The following TMEFF2 variants were observed in gnomAD, a reference collection of about 807,000 sequenced individuals.
TMEFF2 encodes transmembrane protein with EGF like and two follistatin like domains 2.
Under a neutral mutation model 53.8 loss-of-function variants are expected in TMEFF2, and 28 were observed. The ratio of observed to expected loss-of-function variants is 0.52; its 90% CI spans 0.39 to 0.71. The LOEUF (loss-of-function observed/expected upper bound fraction) is 0.71. TMEFF2 is among the 30% of genes least tolerant of loss of function. TMEFF2 has a pLI of 0.00. For synonymous variants in TMEFF2, 162 were observed against 166.3 expected (o/e 0.97, Z 0.20); for missense variants, 353 against 455.2 (o/e 0.78, Z 2.04).
intron 4 of TMEFF2, among the ~76,000 whole-genome samples, chr2:192,109,988 T>G (rs929289950): frequency 2.6e-5 from 4 of 151,572 alleles, no homozygotes; most frequent in African/African-American, 4.8e-5. Context: ...AAATTTAGAA[T>G]AAGGAAAGGA....
In TMEFF2 at chr2:192,075,285, TTATATA is replaced by T. The variant is rs111733023; in HGVS notation, c.440-17516_440-17511del. Among the ~76,000 whole-genome samples, 365 of 65,736 alleles carry T rather than the reference TTATATA, an allele frequency of 5.6e-3. 9 individuals are homozygous for T. Among genetic ancestry groups the T allele is most frequent in the East Asian group, 0.055 (26 of 470 alleles). 43.1% of individuals were successfully genotyped at this position (65,736 alleles called of 152,430 possible). On this transcript the variant is annotated intron_variant, in intron 4 of 9. Coordinates refer to ENST00000272771, the MANE Select transcript of TMEFF2 (RefSeq NM_016192.4). The stretch of plus-strand genomic sequence containing the variant: ...TTATTATACCCAGAGTACAGTACTA[TTATATA>T]TATATATATATATATATATATATAT...
At chr2:192,150,980 C>T (rs1322099802) in intron 4 of TMEFF2, among the ~76,000 whole-genome samples, 1 of 151,770 alleles carries the variant, frequency 6.6e-6, no homozygotes, top group Non-Finnish European at 1.5e-5. Flanking sequence ...TCCCTATAAT[C>T]CCCATGTGTC....
intron 2 of TMEFF2, among the ~76,000 whole-genome samples, chr2:192,185,872 A>G (rs1427154450): frequency 6.6e-6 from 1 of 152,114 alleles, no homozygotes; most frequent in East Asian, 1.9e-4. Context: ...TTACTTTTTC[A>G]TATATTATTA....
At position 191,964,289 on chromosome 2, in the gene TMEFF2, TTC is replaced by T. The variant is rs1159251609; in HGVS notation, c.746-7913_746-7912del. On this transcript the variant is annotated intron_variant, in intron 7 of 9. Transcript: ENST00000272771. ...CTTTTCTTTTTTCTTTTCCTTTTCC[TTC>T]TTTCCTTCTTTCCTTCTTTCTTTCC... Among the ~76,000 whole-genome samples the T allele has an allele frequency of 4.4e-3, 636 of 145,480 alleles. 13 individuals are homozygous for T. The highest frequency in any genetic ancestry group is 0.011 in the African/African-American group (389 of 36,530).
At chr2:192,086,032 A>G (rs1688663182) in intron 4 of TMEFF2, among the ~76,000 whole-genome samples, 1 of 152,192 alleles carries the variant, frequency 6.6e-6, no homozygotes, top group South Asian at 2.1e-4. Flanking sequence ...CATCAATACT[A>G]TAGGCCATTG....
At chr2:192,029,408 T>G (rs1030706384) in intron 5 of TMEFF2, 1 of 152,176 alleles carries the variant, frequency 6.6e-6, no homozygotes, top group African/African-American at 2.4e-5. Flanking sequence ...GGTATAAACA[T>G]TGTTGTTTTA....
At chr2:192,122,993 C>A (rs1339469168) in intron 4 of TMEFF2, among the ~76,000 whole-genome samples, 1 of 152,108 alleles carries the variant, frequency 6.6e-6, no homozygotes, top group Admixed American at 6.5e-5. Flanking sequence ...AGCAGCCATG[C>A]AATAAAGTTA....
Position 192,191,199 on chromosome 2 carries a change from G to A in TMEFF2, c.282+681C>T, listed in dbSNP as rs1048452587. On this transcript the variant is annotated intron_variant, in intron 2 of 9. Coordinates refer to ENST00000272771, the MANE Select transcript of TMEFF2 (RefSeq NM_016192.4). ...ATACTAATAACCCAGTTTTGATCAT[G>A]CCAGTAGTGCAACTTCTTTCTCTCT... 1.6e-4 allele frequency among the ~76,000 whole-genome samples: 25 copies of A among 152,100 alleles called. 1 individual carries two copies. Among genetic ancestry groups the A allele is most frequent in the Non-Finnish European group, 2.6e-4 (18 of 67,980 alleles).
rs370594700 is a variant in TMEFF2, at chr2:191,972,835, T to G, written c.746-16457A>C. Reference sequence around the variant, plus strand: ...ATGTATAAACATGACAGATATCCCTTATTAGGATTTTTGAGATTACATTGA... The same window carrying G: ...ATGTATAAACATGACAGATATCCCTGATTAGGATTTTTGAGATTACATTGA... On this transcript the variant is annotated intron_variant, in intron 7 of 9. Transcript: ENST00000272771. 3.0e-4 allele frequency among the ~76,000 whole-genome samples: 45 copies of G among 152,306 alleles called. No individual in the cohort carries two copies. The South Asian group carries it at 8.9e-3, about 30-fold the overall frequency.
intron 7 of TMEFF2, among the ~76,000 whole-genome samples, chr2:191,985,047 A>ACTT (rs1485412243): frequency 6.6e-6 from 1 of 152,116 alleles, no homozygotes; most frequent in African/African-American, 2.4e-5. Flanking sequence ...TGAAACAATT[A>ACTT]CTTCTATCTA....
At chr2:192,076,757 T>G (rs6434534) in intron 4 of TMEFF2, among the ~76,000 whole-genome samples, 41 of 151,970 alleles carry the variant, frequency 2.7e-4, no homozygotes, top group Non-Finnish European at 2.5e-4. Context: ...ATTTTGATAT[T>G]GTGGAACTCA....
intron 9 of TMEFF2, 42 bp downstream of exon 9, chr2:191,953,637 T>C (rs1691957321): frequency 2.5e-6 from 4 of 1,600,750 alleles, no homozygotes; most frequent in Non-Finnish European, 2.6e-6. Context: ...AGAGTAACAA[T>C]ATATCCCTTT....
intron 4 of TMEFF2, among the ~76,000 whole-genome samples, chr2:192,173,213 A>T (rs921039494): frequency 2.0e-5 from 3 of 151,900 alleles, no homozygotes; most frequent in African/African-American, 7.2e-5. Context: ...TGATCTTATC[A>T]TGATACATTG....
At chr2:192,120,967 CT>C (rs1184273211) in intron 4 of TMEFF2, among the ~76,000 whole-genome samples, 1 of 152,052 alleles carries the variant, frequency 6.6e-6, no homozygotes, top group Non-Finnish European at 1.5e-5. Flanking sequence ...AACTTCTGAC[CT>C]TGTGATCCGC....
intron 7 of TMEFF2, among the ~76,000 whole-genome samples, chr2:191,994,515 G>A: frequency 6.7e-6 from 1 of 148,510 alleles, no homozygotes; most frequent in Admixed American, 6.7e-5. Flanking sequence ...ACTGGATAAA[G>A]AAAAACAAAT....
At chr2:192,015,307 G>GTTT (rs1553513624) in intron 5 of TMEFF2, among the ~76,000 whole-genome samples, 5 of 57,444 alleles carry the variant, frequency 8.7e-5, no homozygotes, top group East Asian at 3.1e-3. Flanking sequence ...TATCACTGAA[G>GTTT]CTTTTTTTTT....
At chr2:192,037,643 A>AAGAGAG (rs34986284) in intron 5 of TMEFF2, among the ~76,000 whole-genome samples, 2 of 143,194 alleles carry the variant, frequency 1.4e-5, no homozygotes, top group African/African-American at 5.3e-5. Context: ...AAGAGAGAGA[A>AAGAGAG]AGAGAGAGAG....
intron 4 of TMEFF2, among the ~76,000 whole-genome samples, chr2:192,132,059 GTCTT>G (rs1689848241): frequency 6.6e-6 from 1 of 152,020 alleles, no homozygotes; most frequent in Non-Finnish European, 1.5e-5. Flanking sequence ...GCGTCACTGA[GTCTT>G]TCTAATCTTC....
At chr2:192,096,079 TACTG>T (rs1688895761) in intron 4 of TMEFF2, among the ~76,000 whole-genome samples, 1 of 152,146 alleles carries the variant, frequency 6.6e-6, no homozygotes, top group South Asian at 2.1e-4. Context: ...ACAGAACACT[TACTG>T]GCAGGAAAAT....
Sources: allele counts gnomAD v4.1 joint callset (sites outside exome capture counted in the v4.1 genomes callset), GRCh38; gene constraint gnomAD v4.1.1; transcripts MANE v1.5; gene names NCBI Gene and HGNC (gene_info 2026-07-23, HGNC 2026-07-21).